SGK2: variants seen among roughly 807,000 people sequenced by gnomAD.
The protein encoded by SGK2 is serum/glucocorticoid regulated kinase 2, also known as serine/threonine-protein kinase Sgk2.
SGK2 carries 36 observed loss-of-function variants against 47.5 expected under a neutral mutation model. That is an observed-to-expected ratio of 0.76 (90% confidence interval 0.58 to 1.00). SGK2 has a LOEUF of 1.00. Among genes scored for constraint, SGK2 ranks in the 50% least tolerant of loss-of-function variants. The pLI, the probability that SGK2 is intolerant of heterozygous loss-of-function variation, is 0.00. For synonymous variants in SGK2, 157 were observed against 181.9 expected (o/e 0.86, Z 1.10); for missense variants, 404 against 467.4 (o/e 0.86, Z 1.25).
intron 9 of SGK2, among the ~76,000 whole-genome samples, chr20:43,573,384 G>A (rs1008481464): frequency 2.0e-5 from 3 of 151,666 alleles, no homozygotes; most frequent in Non-Finnish European, 2.9e-5. Context: ...AGCTACTCAG[G>A]AGGCTGAGGC....
In SGK2 at chr20:43,569,564, A is replaced by C. The variant is rs201205219; in HGVS notation, c.360+48A>C. The C allele has an allele frequency of 7.2e-4, 1,152 of 1,600,944 alleles. 7 individuals carry two copies. Among genetic ancestry groups the C allele is most frequent in the South Asian group, 4.5e-3 (413 of 90,776 alleles). On this transcript the variant is annotated intron_variant, in intron 6 of 12. Transcript: ENST00000373100. ...TTCCCTGGGCTGGCTCTCGGCTGGG[A>C]GCTGTCCATCCCACATGCCCACTGC...
chr20:43,571,934 TGG>T (rs1980162627), intron 8 of SGK2, 115 bp from the exon 9 acceptor site: 2 of 679,644 alleles, frequency 2.9e-6, no homozygotes, highest in African/African-American at 3.5e-5. Context: ...AGCCTGTGCC[TGG>T]GCATCAGATC....
At chr20:43,581,466 C>T (rs941131319) in intron 12 of SGK2, among the ~76,000 whole-genome samples, 18 of 151,980 alleles carry the variant, frequency 1.2e-4, no homozygotes, top group African/African-American at 4.1e-4. Context: ...ATGTCTTTGC[C>T]CAGAATTCTG....
At chr20:43,570,467 G>A in intron 6 of SGK2, 150 bp from the exon 7 acceptor site, 4 of 574,098 alleles carry the variant, frequency 7.0e-6, no homozygotes, top group Non-Finnish European at 1.2e-5. Flanking sequence ...CTGCTGTGTG[G>A]GGCAGGGGCC....
chr20:43,571,043 A>T lies in SGK2; in HGVS notation c.493A>T (p.Ile165Phe), dbSNP rs780086868. 89 of 1,610,190 alleles carry T rather than the reference A, an allele frequency of 5.5e-5. No homozygotes were observed. The highest frequency in any genetic ancestry group is 7.4e-5 in the Non-Finnish European group (87 of 1,179,722). Residue 165 changes from isoleucine to phenylalanine, a missense_variant, in exon 8 of 13, where the codon ATT becomes TTT. Coordinates refer to ENST00000373100, the MANE Select transcript of SGK2 (RefSeq NM_170693.3). Reference protein sequence around the residue: ...IIYRDLKPENILLDCQGHVVL... With the variant: ...IIYRDLKPENFLLDCQGHVVL... ...CTGCAGGGATCTGAAACCAGAGAAC[A>T]TTCTCTTGGACTGCCAGGTTGGTGT... is the stretch of plus-strand genomic sequence containing the variant.
chr20:43,569,142 G>A (rs572230136), intron 5 of SGK2, among the ~76,000 whole-genome samples: 38 of 152,248 alleles, frequency 2.5e-4, no homozygotes, highest in Admixed American at 2.3e-3. Context: ...TCTGATACAG[G>A]GGCTAGAGCT....
Position 43,572,423 on chromosome 20 carries a change from C to G in SGK2, c.597+286C>G, listed in dbSNP as rs1160929785. Among the ~76,000 whole-genome samples, 1 of 152,198 alleles carries G rather than the reference C, an allele frequency of 6.6e-6. No homozygotes were observed. The highest frequency in any genetic ancestry group is 1.9e-4 in the East Asian group (1 of 5,202). Reference sequence around the variant, plus strand: ...GGGCACAGTGGCTCACGCCTGTAATCCCAGCACTTTGGGAGGCTGAGGTGG... The same window carrying G: ...GGGCACAGTGGCTCACGCCTGTAATGCCAGCACTTTGGGAGGCTGAGGTGG... On this transcript the variant is annotated intron_variant, in intron 9 of 12. Coordinates refer to ENST00000373100, the MANE Select transcript of SGK2 (RefSeq NM_170693.3). The surrounding 1 kb of genome is among the most constrained non-coding windows in gnomAD (Gnocchi z 4.2).
intron 10 of SGK2, among the ~76,000 whole-genome samples, chr20:43,575,991 A>C (rs1480424001): frequency 1.3e-5 from 2 of 152,210 alleles, no homozygotes; most frequent in African/African-American, 4.8e-5. Flanking sequence ...TGCATAAGCT[A>C]GATGAAAAGA....
chr20:43,566,147 T>A (rs530507481), intron 1 of SGK2: 3 of 561,318 alleles, frequency 5.3e-6, no homozygotes, highest in South Asian at 3.0e-5. Context: ...CTGGCCATCT[T>A]GGACTTCTGG....
Position 43,566,515 on chromosome 20 carries a change from G to A in SGK2, c.20G>A (p.Gly7Glu). The change falls in exon 2 of 13, where the codon GGG becomes GAG. Residue 7 changes from glycine to glutamate, a missense_variant. Coordinates refer to ENST00000373100, the MANE Select transcript of SGK2 (RefSeq NM_170693.3). MNSSPA[G>E]TPSPQPSRAN... ...TACAGAATGAACTCTAGCCCAGCTG[G>A]GACCCCAAGTCCACAGGTGAGTGGT... is the stretch of plus-strand genomic sequence containing the variant. The A allele has an allele frequency of 1.9e-6, 3 of 1,613,452 alleles. No homozygotes were observed. The highest frequency in any genetic ancestry group is 2.5e-6 in the Non-Finnish European group (3 of 1,179,632).
chr20:43,584,591 G>A (rs1568681703), intron 12 of SGK2, among the ~76,000 whole-genome samples: 2 of 152,118 alleles, frequency 1.3e-5, no homozygotes, highest in South Asian at 2.1e-4. Flanking sequence ...TGTTCCCAGC[G>A]CCACGAACAG....
At chr20:43,566,413 T>C (rs1204958324) in intron 1 of SGK2, 60 bp from the exon 2 acceptor site, 4 of 1,614,092 alleles carry the variant, frequency 2.5e-6, no homozygotes, top group Non-Finnish European at 3.4e-6. Context: ...AAGCCCTGGA[T>C]GGGCGGAGCT....
chr20:43,577,677 T>C (rs1600998430), intron 11 of SGK2, among the ~76,000 whole-genome samples: 1 of 129,648 alleles, frequency 7.7e-6, no homozygotes, highest in Non-Finnish European at 1.7e-5. Flanking sequence ...TGAGTCTCGC[T>C]CTGTCACCCA....
Position 43,576,310 on chromosome 20 carries a change from C to T in SGK2, c.780C>T (p.Ala260=), listed in dbSNP as rs761749115. The change falls in exon 11 of 13, where the codon GCC becomes GCT. Residue 260 remains alanine (A), a synonymous_variant. Coordinates refer to ENST00000373100, the MANE Select transcript of SGK2 (RefSeq NM_170693.3). ...AGATCCCCGGAGGCCGGACAGTGGC[C>T]GCCTGTGACCTCCTGCAAAGCCTTC... ...PLQIPGGRTV[A]ACDLLQSLLH... is the part of the protein sequence containing the mutation. 2.2e-5 allele frequency: 36 copies of T among 1,614,092 alleles called. No individual in the cohort carries two copies. The highest frequency in any genetic ancestry group is 4.5e-5 in the East Asian group (2 of 44,886).
At chr20:43,573,257 G>A (rs529127845) in intron 9 of SGK2, among the ~76,000 whole-genome samples, 1 of 152,214 alleles carries the variant, frequency 6.6e-6, no homozygotes, top group South Asian at 2.1e-4. Context: ...GGTAGGCCGA[G>A]GCAGGCAGAT....
chr20:43,561,695 G>C (rs1979391521), intron 1 of SGK2, among the ~76,000 whole-genome samples: 1 of 148,272 alleles, frequency 6.7e-6, no homozygotes, highest in Admixed American at 6.7e-5. Flanking sequence ...CTGAGGCTTT[G>C]GATTTTAATT....
At chr20:43,583,143 A>T in intron 12 of SGK2, 1 of 1,246,142 alleles carries the variant, frequency 8.0e-7, no homozygotes, top group Non-Finnish European at 1.0e-6. Context: ...TTGTTTAATT[A>T]CCTATTCATG....
intron 11 of SGK2, among the ~76,000 whole-genome samples, chr20:43,578,619 T>G (rs544104744): frequency 1.3e-5 from 2 of 152,324 alleles, no homozygotes; most frequent in East Asian, 3.9e-4. Context: ...CCCATTGTAA[T>G]AACAGCACCT....
intron 11 of SGK2, among the ~76,000 whole-genome samples, chr20:43,577,250 T>A (rs537249440): frequency 1.1e-4 from 17 of 151,976 alleles, no homozygotes; most frequent in Non-Finnish European, 1.5e-5. Context: ...GAGTGGCCAG[T>A]TTTAGGGTGT....
Sources: allele counts gnomAD v4.1 joint callset (sites outside exome capture counted in the v4.1 genomes callset), GRCh38; gene constraint gnomAD v4.1.1; non-coding constraint Gnocchi (gnomAD v3.1); transcripts MANE v1.5; gene names NCBI Gene and HGNC (gene_info 2026-07-23, HGNC 2026-07-21).